Variants in FARS2 observed in about 807,000 individuals in gnomAD.
FARS2 encodes the protein phenylalanine--tRNA ligase, mitochondrial.
A neutral mutation model predicts 46.4 loss-of-function variants in FARS2; 40 were observed. The observed-to-expected ratio is 0.86, with a 90% confidence interval of 0.67 to 1.12. The LOEUF is 1.12. FARS2 is among the 50% of genes most tolerant of loss of function. FARS2 has a pLI of 0.00. For missense variants in FARS2, 513 were observed against 567.9 expected (o/e 0.90, Z 0.98); for synonymous variants, 234 against 214.9 (o/e 1.09, Z -0.78).
rs180773430 is a variant in FARS2 at position 5,762,657 on chromosome 6, C to T, written c.1218-8634C>T. On this transcript the variant is annotated intron_variant, in intron 6 of 6. Coordinates refer to ENST00000274680, the MANE Select transcript of FARS2 (RefSeq NM_006567.5). ...CTCTAAGGAACTCTTACGTTGCCGA[C>T]GTGTGCTGGCTAGGAGCTGGGCCCG... 1.5e-3 allele frequency among the ~76,000 whole-genome samples: 225 copies of T among 152,360 alleles called. 2 individuals are homozygous for T. Among genetic ancestry groups the T allele is most frequent in the African/African-American group, 5.1e-3 (214 of 41,594 alleles).
intron 6 of FARS2, among the ~76,000 whole-genome samples, chr6:5,627,088 T>C (rs992635372): frequency 1.3e-5 from 2 of 152,268 alleles, no homozygotes; most frequent in Admixed American, 1.3e-4. Flanking sequence ...TGTGTTGCTC[T>C]GTGACTTTAC....
intron 1 of FARS2, among the ~76,000 whole-genome samples, chr6:5,339,405 A>G (rs796470041): frequency 2.2e-4 from 34 of 152,284 alleles, no homozygotes; most frequent in African/African-American, 7.0e-4. Context: ...CGTGCATACC[A>G]AAAATTAATT....
chr6:5,371,082 G>A (rs1438527694), intron 2 of FARS2: 1 of 446,110 alleles, frequency 2.2e-6, no homozygotes, highest in African/African-American at 2.1e-5. Context: ...TGAATTCATT[G>A]CCTGTTTTTC....
intron 6 of FARS2, among the ~76,000 whole-genome samples, chr6:5,743,819 A>G (rs1482883759): frequency 1.3e-5 from 2 of 152,224 alleles, no homozygotes; most frequent in Non-Finnish European, 2.9e-5. Context: ...GTTAAAAACA[A>G]AGGTATTCTA....
intron 1 of FARS2, among the ~76,000 whole-genome samples, chr6:5,361,074 G>T (rs2127625679): frequency 6.6e-6 from 1 of 152,240 alleles, no homozygotes; most frequent in African/African-American, 2.4e-5. Flanking sequence ...AAGCACCAGG[G>T]ATAAATTGCT....
At chr6:5,520,540 C>G (rs1378033957) in intron 4 of FARS2, among the ~76,000 whole-genome samples, 1 of 152,240 alleles carries the variant, frequency 6.6e-6, no homozygotes, top group Non-Finnish European at 1.5e-5. Flanking sequence ...ACCCTGTTCA[C>G]ATCACCAGCT....
intron 5 of FARS2, among the ~76,000 whole-genome samples, chr6:5,588,492 G>A (rs1379198304): frequency 6.6e-6 from 1 of 152,192 alleles, no homozygotes; most frequent in Non-Finnish European, 1.5e-5. Flanking sequence ...GCATATAAAA[G>A]CAAAGTCCTA....
At chr6:5,378,149 AC>A (rs1046853780) in intron 2 of FARS2, among the ~76,000 whole-genome samples, 1 of 152,116 alleles carries the variant, frequency 6.6e-6, no homozygotes, top group African/African-American at 2.4e-5. Flanking sequence ...CAGTTCATAT[AC>A]CACCCACCCC....
intron 4 of FARS2, chr6:5,458,071 G>T (rs983170752): frequency 6.6e-5 from 10 of 152,370 alleles, no homozygotes; most frequent in African/African-American, 2.4e-4. Flanking sequence ...GCCCTCTCCT[G>T]CGAGGGACTC....
At chr6:5,631,406 G>A (rs1400829899) in intron 6 of FARS2, among the ~76,000 whole-genome samples, 1 of 152,200 alleles carries the variant, frequency 6.6e-6, no homozygotes, top group Non-Finnish European at 1.5e-5. Flanking sequence ...CATAGTTTAA[G>A]TAAAGGAGAT....
intron 6 of FARS2, among the ~76,000 whole-genome samples, chr6:5,710,713 G>C (rs777055485): frequency 2.0e-5 from 3 of 152,236 alleles, no homozygotes; most frequent in Non-Finnish European, 4.4e-5. Context: ...TGCCCAGAGA[G>C]AGGGCTCTGG....
intron 6 of FARS2, among the ~76,000 whole-genome samples, chr6:5,734,803 A>G (rs577356420): frequency 6.6e-6 from 1 of 152,204 alleles, no homozygotes; most frequent in South Asian, 2.1e-4. Context: ...TGATTTGTAG[A>G]TAGATAGATA....
chr6:5,405,480 C>CTTTTTTTCTTTTTTTTTT (rs765851968), intron 3 of FARS2, among the ~76,000 whole-genome samples: 36 of 58,960 alleles, frequency 6.1e-4, no homozygotes, highest in Non-Finnish European at 8.4e-4. Flanking sequence ...GAGCAAGGTT[C>CTTTTTTTCTTTTTTTTTT]TTTTTTTTTT....
At chr6:5,314,862 C>A (rs1372347568) in intron 1 of FARS2, among the ~76,000 whole-genome samples, 1 of 151,988 alleles carries the variant, frequency 6.6e-6, no homozygotes, top group Non-Finnish European at 1.5e-5. Context: ...TCACTTTTAT[C>A]TGAAAAGTTT....
At chr6:5,473,526 CAAAAAACAAAAA>C (rs1441528234) in intron 4 of FARS2, among the ~76,000 whole-genome samples, 6 of 21,786 alleles carry the variant, frequency 2.8e-4, no homozygotes, top group Admixed American at 2.3e-3. Context: ...GACTCTGTCT[CAAAAAACAAAAA>C]AAAAAACAAA....
At chr6:5,623,808 G>T (rs1392389272) in intron 6 of FARS2, among the ~76,000 whole-genome samples, 1 of 152,198 alleles carries the variant, frequency 6.6e-6, no homozygotes, top group African/African-American at 2.4e-5. Context: ...TGGGTCCTGT[G>T]TTGGGAAAAT....
At chr6:5,381,408 C>T (rs904120609) in intron 2 of FARS2, among the ~76,000 whole-genome samples, 26 of 138,934 alleles carry the variant, frequency 1.9e-4, no homozygotes, top group Admixed American at 3.0e-4. Context: ...CACACACATA[C>T]ACACACACAC....
intron 6 of FARS2, among the ~76,000 whole-genome samples, chr6:5,741,488 A>G (rs79358744): frequency 0.037 from 5,683 of 152,208 alleles, 340 homozygotes; most frequent in African/African-American, 0.12. Flanking sequence ...TTTCCAGGGT[A>G]TGGTTCAGCG....
At chr6:5,415,460 G>A (rs1260190565) in intron 3 of FARS2, among the ~76,000 whole-genome samples, 1 of 151,202 alleles carries the variant, frequency 6.6e-6, no homozygotes, top group Non-Finnish European at 1.5e-5. Flanking sequence ...GGGATTACAG[G>A]TGCACGCCAC....
Sources: gnomAD v4.1 joint callset for allele counts (sites outside exome capture counted in the v4.1 genomes callset) on GRCh38, gnomAD v4.1.1 for gene constraint, MANE v1.5 for transcripts, NCBI Gene and HGNC (gene_info 2026-07-23, HGNC 2026-07-21) for gene names.